The following LMO7 variants were observed in gnomAD, a reference collection of about 807,000 sequenced individuals.
LMO7 encodes the protein LIM domain 7, also known as LIM domain only protein 7.
Under a neutral mutation model 206.5 loss-of-function variants are expected in LMO7, and 120 were observed. The observed-to-expected ratio is 0.58, with a 90% confidence interval of 0.50 to 0.68. The LOEUF (loss-of-function observed/expected upper bound fraction) is 0.68. Ranked by LOEUF, LMO7 falls within the 30% of genes least tolerant of loss-of-function variation. The pLI is 0.00. For synonymous variants in LMO7, 706 were observed against 681.5 expected (o/e 1.04, Z -0.56); for missense variants, 1,959 against 1,957.9 (o/e 1.00, Z -0.01).
intron 1 of LMO7, among the ~76,000 whole-genome samples, chr13:75,708,585 G>A (rs1004661739): frequency 6.6e-6 from 1 of 152,178 alleles, no homozygotes; most frequent in African/African-American, 2.4e-5. Flanking sequence ...ATGCGTAGGA[G>A]TTTCCAGATG....
At chr13:75,769,813 G>C (rs1418383977) in intron 4 of LMO7, among the ~76,000 whole-genome samples, 2 of 152,072 alleles carry the variant, frequency 1.3e-5, no homozygotes, top group Non-Finnish European at 2.9e-5. Flanking sequence ...ATAGTTCACT[G>C]TTTCATTACA....
intron 27 of LMO7, 108 bp downstream of exon 27, chr13:75,849,400 A>T: frequency 2.5e-6 from 2 of 794,470 alleles, no homozygotes; most frequent in Non-Finnish European, 4.2e-6. Flanking sequence ...ACATAGAGCG[A>T]ACGCTCTGGG....
At chr13:75,628,188 A>G (rs2034460489) in intron 2 of LMO7, 1 of 152,356 alleles carries the variant, frequency 6.6e-6, no homozygotes, top group African/African-American at 2.4e-5. Context: ...AGACAAATTT[A>G]GGACCCTTGC....
At position 75,636,703 on chromosome 13, in the gene LMO7, G is replaced by C. The variant is rs2035909196; in HGVS notation, c.46G>C (p.Ala16Pro). 3.1e-6 allele frequency: 5 copies of C among 1,609,678 alleles called. No homozygotes were observed. In the East Asian group the frequency reaches 1.1e-4, roughly 36 times the overall value. ...AGAGGCCAACTGCTCCGTGGCGTTC[G>C]CTGAGGCTCAGAGATGGGTGGAGGT... The part of the protein sequence containing the change: ...EAEANCSVAF[A>P]EAQRWVEAVT... The change falls in exon 1 of 31, where the codon GCT becomes CCT. Residue 16 changes from alanine to proline, a missense_variant. Ala to Pro is a conservative substitution (Grantham distance 27). Coordinates refer to ENST00000377534, the MANE Select transcript of LMO7 (RefSeq NM_001306080.2).
chr13:75,665,833 G>A (rs983851668), intron 1 of LMO7, among the ~76,000 whole-genome samples: 2 of 152,048 alleles, frequency 1.3e-5, no homozygotes, highest in African/African-American at 2.4e-5. Flanking sequence ...GGCCTCCCTG[G>A]TCTACATTTT....
rs1258373206 is a variant in LMO7 at position 75,805,734 on chromosome 13, A to G, written c.1170A>G (p.Pro390=). Residue 390 remains proline (P), a synonymous_variant, in exon 9 of 31, where the codon CCA becomes CCG. Transcript: ENST00000377534. The part of the protein sequence containing the change: ...WKRIKRETYK[P]WYKEFQGFSQ... ...GAATAAAAAGGGAAACTTATAAGCC[A>G]TGGTATAAAGAATTTCAGGGATTCA... 5.6e-6 allele frequency: 9 copies of G among 1,613,946 alleles called. No individual in the cohort carries two copies. Among genetic ancestry groups the G allele is most frequent in the Non-Finnish European group, 6.8e-6 (8 of 1,179,846 alleles).
chr13:75,750,970 A>G (rs189657584), intron 3 of LMO7, among the ~76,000 whole-genome samples: 3 of 152,256 alleles, frequency 2.0e-5, no homozygotes, highest in Admixed American at 2.0e-4. Flanking sequence ...TGCTTCAAGT[A>G]ATAGTTATCT....
At chr13:75,840,985 A>G (rs1342969316) in intron 22 of LMO7, 124 bp from the exon 23 acceptor site, 4 of 647,818 alleles carry the variant, frequency 6.2e-6, no homozygotes, top group Non-Finnish European at 1.1e-5. Flanking sequence ...TGGCTTATGA[A>G]AATAAATCAT....
intron 28 of LMO7, 108 bp downstream of exon 28, chr13:75,853,496 T>G (rs2060658205): frequency 9.7e-7 from 1 of 1,031,214 alleles, no homozygotes; most frequent in Admixed American, 3.0e-5. Flanking sequence ...AAAGAAGCCC[T>G]TTTGAATGTG....
chr13:75,850,808 C>CTT (rs555828876), intron 27 of LMO7, among the ~76,000 whole-genome samples: 1 of 145,400 alleles, frequency 6.9e-6, no homozygotes, highest in Non-Finnish European at 1.5e-5. Flanking sequence ...GCCACACATT[C>CTT]TTTTTTTTTT....
At chr13:75,709,992 G>A (rs1484509258) in intron 1 of LMO7, among the ~76,000 whole-genome samples, 9 of 152,284 alleles carry the variant, frequency 5.9e-5, no homozygotes, top group South Asian at 2.1e-4. Flanking sequence ...GTAAGGAAGG[G>A]ATCCAGTTTC....
chr13:75,624,781 T>A (rs770446573), intron 2 of LMO7, among the ~76,000 whole-genome samples: 8 of 152,154 alleles, frequency 5.3e-5, no homozygotes, highest in Non-Finnish European at 1.0e-4. Context: ...CCCACTCCCA[T>A]GATTCAATTA....
At chr13:75,743,986 A>T (rs994070342) in intron 3 of LMO7, among the ~76,000 whole-genome samples, 1 of 152,218 alleles carries the variant, frequency 6.6e-6, no homozygotes, top group Non-Finnish European at 1.5e-5. Flanking sequence ...GTTTGAGGTT[A>T]TCCAGTATGA....
intron 1 of LMO7, among the ~76,000 whole-genome samples, chr13:75,648,185 C>T (rs560425915): frequency 8.5e-5 from 13 of 152,138 alleles, no homozygotes; most frequent in Middle Eastern, 3.4e-3. Context: ...TGGCCTTCAG[C>T]GATCCTCCCA....
intron 4 of LMO7, among the ~76,000 whole-genome samples, chr13:75,779,173 G>A (rs1221272118): frequency 6.6e-6 from 1 of 152,054 alleles, no homozygotes; most frequent in African/African-American, 2.4e-5. Context: ...ATGTGGAAAG[G>A]TGTGCAGGCT....
chr13:75,734,375 G>C (rs929044685), intron 3 of LMO7, among the ~76,000 whole-genome samples: 1 of 152,168 alleles, frequency 6.6e-6, no homozygotes, highest in Admixed American at 6.5e-5. Flanking sequence ...ATAGGAGTCT[G>C]TTAAGTCAAC....
intron 3 of LMO7, among the ~76,000 whole-genome samples, chr13:75,737,793 A>AAT (rs1555305789): frequency 1.6e-5 from 2 of 128,112 alleles, no homozygotes; most frequent in Non-Finnish European, 3.3e-5. Context: ...AAAAAAAAAA[A>AAT]AAAAAAAACT....
chr13:75,799,945 T>A (rs2054522355), intron 6 of LMO7, among the ~76,000 whole-genome samples: 1 of 152,218 alleles, frequency 6.6e-6, no homozygotes, highest in Non-Finnish European at 1.5e-5. Context: ...ACAGTTAACA[T>A]CATTTGTGAT....
chr13:75,832,764 G>A (rs1430421699), intron 15 of LMO7, among the ~76,000 whole-genome samples: 1 of 152,016 alleles, frequency 6.6e-6, no homozygotes, highest in East Asian at 1.9e-4. Flanking sequence ...TTGTACAGTG[G>A]GCAGAAACCT....
Sources: gnomAD v4.1 joint callset for allele counts (sites outside exome capture counted in the v4.1 genomes callset) on GRCh38, gnomAD v4.1.1 for gene constraint, MANE v1.5 for transcripts, NCBI Gene and HGNC (gene_info 2026-07-23, HGNC 2026-07-21) for gene names.